Variants in CSF2RA observed in about 807,000 individuals in gnomAD.
The protein encoded by CSF2RA is colony stimulating factor 2 receptor subunit alpha.
CSF2RA carries 42 observed loss-of-function variants against 51.6 expected under a neutral mutation model. That is an observed-to-expected ratio of 0.81 (90% confidence interval 0.64 to 1.05). The LOEUF is 1.05. Ranked by LOEUF, CSF2RA falls within the 50% of genes least tolerant of loss-of-function variation. The pLI, the probability that CSF2RA is intolerant of heterozygous loss-of-function variation, is 0.00. For missense variants in CSF2RA, 530 were observed against 501.1 expected (o/e 1.06, Z -0.55); for synonymous variants, 222 against 193.0 (o/e 1.15, Z -1.24).
chrX:1,279,196 C>G (rs1480693613), intron 2 of CSF2RA, among the ~76,000 whole-genome samples: 1 of 145,744 alleles, frequency 6.9e-6, no homozygotes, highest in African/African-American at 2.5e-5. Context: ...ACTAAAAATA[C>G]AAAAATTAGC....
chrX:1,310,966 G>A (rs1353570893), downstream of CSF2RA, among the ~76,000 whole-genome samples: 2 of 151,874 alleles, frequency 1.3e-5, no homozygotes, highest in Non-Finnish European at 2.9e-5. Flanking sequence ...AGAGGCTGGT[G>A]CCCGGGCATG....
chrX:1,283,981 C>T (rs1413860697), intron 3 of CSF2RA, among the ~76,000 whole-genome samples: 1 of 151,518 alleles, frequency 6.6e-6, no homozygotes, highest in Non-Finnish European at 1.5e-5. Flanking sequence ...GGTGTCAGGG[C>T]CTCTGCTTCA....
At chrX:1,291,130 C>T (rs1405181090) in intron 7 of CSF2RA, among the ~76,000 whole-genome samples, 3 of 152,026 alleles carry the variant, frequency 2.0e-5, no homozygotes, top group African/African-American at 4.8e-5. Flanking sequence ...CCATCTTGGC[C>T]GGGCTAGTCT....
chrX:1,278,580 G>A (rs768166305), intron 2 of CSF2RA, among the ~76,000 whole-genome samples: 25 of 142,362 alleles, frequency 1.8e-4, no homozygotes, highest in East Asian at 6.2e-4. Flanking sequence ...CCAGCTACTC[G>A]GAGGCTGAGG....
chrX:1,315,770 AATAGATAGATAGATAG>A, the CSF2RA span, among the ~76,000 whole-genome samples: 1,421 of 124,568 alleles, frequency 0.011, 17 homozygotes, highest in Non-Finnish European at 0.017. Context: ...TAAAATAGAT[AATAGATAGATAGATAG>A]ATAGATAGAT....
At chrX:1,302,316 G>A (rs1228782168) in intron 10 of CSF2RA, among the ~76,000 whole-genome samples, 1 of 151,962 alleles carries the variant, frequency 6.6e-6, no homozygotes, top group Non-Finnish European at 1.5e-5. Context: ...AAGGGGAAGG[G>A]GCAGGATATT....
intron 9 of CSF2RA, among the ~76,000 whole-genome samples, chrX:1,297,777 C>A (rs753173562): frequency 0.046 from 4,178 of 90,230 alleles, 58 homozygotes; most frequent in Non-Finnish European, 0.068. Context: ...TACTCACAAC[C>A]CCCGGTGGAA....
At chrX:1,294,159 CAA>C in intron 7 of CSF2RA, 167 bp from the exon 8 acceptor site, 2 of 825,858 alleles carry the variant, frequency 2.4e-6, no homozygotes, top group Non-Finnish European at 4.2e-6. Context: ...CCAGTGTAGT[CAA>C]AGAGGTGTCC....
intron 8 of CSF2RA, 129 bp downstream of exon 8, chrX:1,294,590 G>A: frequency 8.1e-7 from 1 of 1,238,988 alleles, no homozygotes; most frequent in South Asian, 1.3e-5. Flanking sequence ...TGACTCTGGG[G>A]TGAACGCACT....
chrX:1,285,720 A>T (rs868049347), intron 3 of CSF2RA, 58 bp from the exon 4 acceptor site: 1 of 1,073,930 alleles, frequency 9.3e-7, no homozygotes, highest in Non-Finnish European at 1.3e-6. Flanking sequence ...AAAAAAAAAA[A>T]AAAAAAAAAA....
At chrX:1,315,559 AC>A in the CSF2RA span, among the ~76,000 whole-genome samples, 209 of 151,860 alleles carry the variant, frequency 1.4e-3, 2 homozygotes, top group Middle Eastern at 0.034. Context: ...GTGCACCACC[AC>A]CCCCAGCCAA....
chrX:1,314,243 C>CACTGCACTTGCCCAATTG, downstream of CSF2RA, among the ~76,000 whole-genome samples: 1 of 35,348 alleles, frequency 2.8e-5, no homozygotes, highest in Admixed American at 2.5e-4. Flanking sequence ...CTGCCCAACC[C>CACTGCACTTGCCCAATTG]CACTGCACCT....
At chrX:1,281,975 C>A (rs2090122949) in intron 2 of CSF2RA, 1 of 139,378 alleles carries the variant, frequency 7.2e-6, no homozygotes, top group South Asian at 2.2e-4. Context: ...GCAGGTGGAT[C>A]ACGAGGTCAG....
chrX:1,293,319 C>T (rs1370404574), intron 7 of CSF2RA, among the ~76,000 whole-genome samples: 1 of 152,058 alleles, frequency 6.6e-6, no homozygotes, highest in Non-Finnish European at 1.5e-5. Context: ...CCCGGGTTCA[C>T]GCCATTCTCC....
rs763800222 is a variant in CSF2RA at position 1,288,859 on chromosome X, C to T, written c.444C>T (p.Val148=). 10 of 1,613,550 alleles carry T rather than the reference C, an allele frequency of 6.2e-6. No individual in the cohort carries two copies. In the African/African-American group the frequency reaches 1.3e-4, roughly 22 times the overall value. Residue 148 remains valine, a synonymous_variant, in exon 6 of 13, where the codon GTC becomes GTT. Transcript: ENST00000381529. ...GGGGTCCGACGGCCCCCCGTGACGT[C>T]CAGTATTTTTTGTACATACGAAACT... ...WARGPTAPRD[V]QYFLYIRNSK... is the part of the protein sequence containing the mutation.
chrX:1,303,606 C>A (rs1238357927), intron 10 of CSF2RA, among the ~76,000 whole-genome samples: 4 of 152,104 alleles, frequency 2.6e-5, no homozygotes, highest in Non-Finnish European at 5.9e-5. Context: ...GAACTCCCAA[C>A]CTCAGGTGAT....
At chrX:1,276,900 A>G (rs1208595729) in intron 2 of CSF2RA, among the ~76,000 whole-genome samples, 3 of 151,608 alleles carry the variant, frequency 2.0e-5, no homozygotes, top group Non-Finnish European at 4.4e-5. Context: ...GGAGATCGAG[A>G]CCATCCTGGC....
intron 9 of CSF2RA, 116 bp from the exon 10 acceptor site, chrX:1,300,375 A>G: frequency 7.6e-7 from 1 of 1,310,656 alleles, no homozygotes; most frequent in Non-Finnish European, 1.1e-6. Flanking sequence ...GAAAAAAAAG[A>G]AGAAAAAGAA....
At chrX:1,319,945 G>C in the CSF2RA span, among the ~76,000 whole-genome samples, 1 of 149,530 alleles carries the variant, frequency 6.7e-6, no homozygotes, top group Non-Finnish European at 1.5e-5. Flanking sequence ...CCCCAGGCCA[G>C]AGTGCAGTGG....
Sources: allele counts gnomAD v4.1 joint callset (sites outside exome capture counted in the v4.1 genomes callset), GRCh38; gene constraint gnomAD v4.1.1; transcripts MANE v1.5; gene names NCBI Gene and HGNC (gene_info 2026-07-23, HGNC 2026-07-21).